ADAM22: variants seen among roughly 807,000 people sequenced by gnomAD.
ADAM22 encodes disintegrin and metalloproteinase domain-containing protein 22.
Under a neutral mutation model 144.6 loss-of-function variants are expected in ADAM22, and 65 were observed. The ratio of observed to expected loss-of-function variants is 0.45; its 90% confidence interval spans 0.37 to 0.55. The LOEUF (loss-of-function observed/expected upper bound fraction) is 0.55. ADAM22 is among the 20% of genes least tolerant of loss of function. The pLI is 0.00. For missense variants in ADAM22, 974 were observed against 1,184.9 expected (o/e 0.82, Z 2.61); for synonymous variants, 391 against 412.6 (o/e 0.95, Z 0.63).
At chr7:87,963,527 A>T (rs1035321740) in intron 2 of ADAM22, among the ~76,000 whole-genome samples, 1 of 152,174 alleles carries the variant, frequency 6.6e-6, no homozygotes, top group African/African-American at 2.4e-5. Flanking sequence ...TCTTGTAGGA[A>T]ACCTTTCTTT....
At chr7:88,138,570 G>C (rs574333892) in intron 14 of ADAM22, among the ~76,000 whole-genome samples, 1 of 152,194 alleles carries the variant, frequency 6.6e-6, no homozygotes, top group African/African-American at 2.4e-5. Flanking sequence ...ACTTTCTGAA[G>C]TTCTGTACAG....
At chr7:87,958,366 G>A (rs1204367644) in intron 2 of ADAM22, among the ~76,000 whole-genome samples, 1 of 151,718 alleles carries the variant, frequency 6.6e-6, no homozygotes, top group East Asian at 1.9e-4. Context: ...AGACTTTAAA[G>A]TTTTTTTAAA....
intron 4 of ADAM22, among the ~76,000 whole-genome samples, chr7:88,094,675 G>A (rs1272558332): frequency 1.3e-5 from 2 of 152,102 alleles, no homozygotes; most frequent in African/African-American, 4.8e-5. Flanking sequence ...TGGTTGCTTT[G>A]GTAATTCTGA....
At chr7:87,957,880 G>A (rs1847158771) in intron 2 of ADAM22, among the ~76,000 whole-genome samples, 1 of 152,058 alleles carries the variant, frequency 6.6e-6, no homozygotes, top group Admixed American at 6.5e-5. Context: ...ACCCTGTCTG[G>A]TCTGTTTTCA....
intron 21 of ADAM22, 108 bp downstream of exon 21, chr7:88,153,434 G>A: frequency 1.2e-6 from 1 of 861,266 alleles, no homozygotes; most frequent in Non-Finnish European, 1.8e-6. Flanking sequence ...GTGTGCTCTT[G>A]CCTCCTTAAC....
chr7:88,076,074 C>T (rs551208250), intron 4 of ADAM22, among the ~76,000 whole-genome samples: 2 of 152,190 alleles, frequency 1.3e-5, no homozygotes, highest in African/African-American at 2.4e-5. Flanking sequence ...AGTGCAATGG[C>T]GCGATCTCAG....
chr7:88,030,845 G>A lies in ADAM22; in HGVS notation c.324-44781G>A, dbSNP rs148882859. Among the ~76,000 whole-genome samples, 744 of 152,258 alleles carry A rather than the reference G, an allele frequency of 4.9e-3. 10 individuals are homozygous for A. Among genetic ancestry groups the A allele is most frequent in the African/African-American group, 0.016 (683 of 41,544 alleles). Reference sequence around the variant, plus strand: ...TAAACTTCTTCTCTCGGCCGGGCACGGTGGCTCATGCCTGTAATCCCAGCA... The same window carrying A: ...TAAACTTCTTCTCTCGGCCGGGCACAGTGGCTCATGCCTGTAATCCCAGCA... On this transcript the variant is annotated intron_variant, in intron 3 of 31. Transcript: ENST00000413139.
intron 3 of ADAM22, among the ~76,000 whole-genome samples, chr7:88,012,746 A>G (rs1345702719): frequency 6.6e-6 from 1 of 152,148 alleles, no homozygotes; most frequent in Non-Finnish European, 1.5e-5. Flanking sequence ...TCTTTTAAGT[A>G]GGCTCATCCC....
intron 4 of ADAM22, among the ~76,000 whole-genome samples, chr7:88,096,636 G>A (rs571034210): frequency 6.6e-6 from 1 of 151,754 alleles, no homozygotes; most frequent in Non-Finnish European, 1.5e-5. Context: ...GAACATCTTT[G>A]TTGTTGGTTT....
At chr7:88,110,947 T>C (rs1454029998) in intron 5 of ADAM22, among the ~76,000 whole-genome samples, 1 of 144,386 alleles carries the variant, frequency 6.9e-6, no homozygotes, top group African/African-American at 2.6e-5. Context: ...TTTGCCATGT[T>C]GGCCAGGTTG....
At chr7:87,952,720 C>T (rs1333046068) in intron 2 of ADAM22, among the ~76,000 whole-genome samples, 1 of 152,044 alleles carries the variant, frequency 6.6e-6, no homozygotes, top group Non-Finnish European at 1.5e-5. Context: ...AGGAATGGTA[C>T]CAGTTCCTCC....
intron 3 of ADAM22, among the ~76,000 whole-genome samples, chr7:87,999,453 G>A (rs1262325423): frequency 1.3e-5 from 2 of 152,162 alleles, no homozygotes; most frequent in Admixed American, 1.3e-4. Flanking sequence ...TGGCTAGTTA[G>A]CATGTGGAAC....
At chr7:88,055,870 C>T (rs1254335886) in intron 3 of ADAM22, among the ~76,000 whole-genome samples, 1 of 152,160 alleles carries the variant, frequency 6.6e-6, no homozygotes, top group Non-Finnish European at 1.5e-5. Flanking sequence ...GGCTATCTCT[C>T]CTTGAACTGT....
Position 88,179,003 on chromosome 7 carries a change from C to T in ADAM22, c.2369C>T (p.Pro790Leu). Residue 790 changes from proline (P) to leucine (L), a missense_variant, in exon 27 of 32, where the codon CCC (proline) becomes CTC (leucine). Pro to Leu is a moderately conservative substitution (Grantham distance 98). Around this residue, in one of 2 missense-constraint regions of ADAM22, gnomAD observed 734 missense variants for 950.6 expected, o/e 0.77. Coordinates refer to ENST00000413139, the MANE Select transcript of ADAM22 (RefSeq NM_001324418.2). ...GACTCTTTTTATAGCGACATTCCTCCCGGAGTCAGCACAAACTCAGCATCT... is the reference window on the plus strand; with the variant it reads ...GACTCTTTTTATAGCGACATTCCTCTCGGAGTCAGCACAAACTCAGCATCT... ...DGDSFYSDIP[P>L]GVSTNSASSS... The T allele has an allele frequency of 6.2e-7, 1 of 1,613,348 alleles. No individual in the cohort carries two copies. The highest frequency in any genetic ancestry group is 8.5e-7 in the Non-Finnish European group (1 of 1,179,460).
chr7:88,079,421 G>A lies in ADAM22; in HGVS notation c.390+3729G>A, dbSNP rs193157859. On this transcript the variant is annotated intron_variant, in intron 4 of 31. Transcript: ENST00000413139. ...CAAATTGTAAAGACCATCGAGGCTAGGAAGAAACTGCATCAACTAACGAGC... is the reference window on the plus strand; with the variant it reads ...CAAATTGTAAAGACCATCGAGGCTAAGAAGAAACTGCATCAACTAACGAGC... Among the ~76,000 whole-genome samples, 447 of 152,268 alleles carry A rather than the reference G, an allele frequency of 2.9e-3. 3 individuals are homozygous for A. Among genetic ancestry groups the A allele is most frequent in the African/African-American group, 0.01 (421 of 41,562 alleles).
chr7:87,957,423 C>A (rs773347492), intron 2 of ADAM22, among the ~76,000 whole-genome samples: 3 of 152,110 alleles, frequency 2.0e-5, no homozygotes, highest in Non-Finnish European at 4.4e-5. Context: ...ACATACCACC[C>A]AGAATGAACA....
chr7:88,093,277 T>C (rs943589239), intron 4 of ADAM22, among the ~76,000 whole-genome samples: 3 of 118,926 alleles, frequency 2.5e-5, no homozygotes, highest in African/African-American at 8.6e-5. Context: ...TTTAAACTGG[T>C]TTGAAGCAAA....
intron 4 of ADAM22, among the ~76,000 whole-genome samples, 170 bp downstream of exon 4, chr7:88,075,862 A>T (rs1814296928): frequency 6.6e-6 from 1 of 152,154 alleles, no homozygotes; most frequent in South Asian, 2.1e-4. Context: ...CTTTACTTTT[A>T]GTTATCAGAA....
chr7:87,964,254 A>G (rs1007389516), intron 2 of ADAM22, among the ~76,000 whole-genome samples: 5 of 152,244 alleles, frequency 3.3e-5, no homozygotes, highest in South Asian at 4.1e-4. Context: ...GCCATAATGT[A>G]TACACGTGCA....
Sources: allele counts gnomAD v4.1 joint callset (sites outside exome capture counted in the v4.1 genomes callset), GRCh38; gene constraint gnomAD v4.1.1; regional missense constraint gnomAD v4.1.1; transcripts MANE v1.5; gene names NCBI Gene and HGNC (gene_info 2026-07-23, HGNC 2026-07-21).